Variants in INSC observed in about 807,000 individuals in gnomAD.
INSC encodes INSC spindle orientation adaptor protein, also known as protein inscuteable homolog.
A neutral mutation model predicts 58.6 loss-of-function variants in INSC; 67 were observed. That is an observed-to-expected ratio of 1.14 (90% CI 0.94 to 1.40). INSC has a LOEUF of 1.40. Among genes scored for constraint, INSC ranks in the 40% most tolerant of loss-of-function variants. INSC has a pLI of 0.00. For missense variants in INSC, 714 were observed against 692.0 expected, an observed-to-expected ratio of 1.03 and a Z score of -0.36; for synonymous variants, 262 against 276.1, an observed-to-expected ratio of 0.95 and a Z score of 0.51.
At chr11:15,121,726 T>C (rs1368943899) in intron 1 of INSC, among the ~76,000 whole-genome samples, 2 of 152,242 alleles carry the variant, frequency 1.3e-5, no homozygotes, top group Non-Finnish European at 2.9e-5. Context: ...GTTGGCATTC[T>C]ACTTTAAAAA....
At chr11:15,211,251 C>T (rs529264199) in intron 7 of INSC, among the ~76,000 whole-genome samples, 4 of 152,232 alleles carry the variant, frequency 2.6e-5, no homozygotes, top group African/African-American at 4.8e-5. Context: ...TTGAGTGTAC[C>T]GTCCTCTCTT....
At chr11:15,169,553 G>T (rs1008051941) in intron 2 of INSC, among the ~76,000 whole-genome samples, 3 of 148,148 alleles carry the variant, frequency 2.0e-5, no homozygotes, top group African/African-American at 7.5e-5. Flanking sequence ...TTGTTTGTTT[G>T]TTTTTTTAGA....
At chr11:15,113,119 C>CTCTTTCTTTCTTTCTTTCTT (rs746409775), upstream of INSC, among the ~76,000 whole-genome samples, 185 of 73,276 alleles carry the variant, frequency 2.5e-3, 7 homozygotes, top group Middle Eastern at 6.2e-3. Flanking sequence ...TTCTCTCTCT[C>CTCTTTCTTTCTTTCTTTCTT]TCTTTCTTTC....
At chr11:15,268,434 C>G in the INSC span, among the ~76,000 whole-genome samples, 2 of 152,054 alleles carry the variant, frequency 1.3e-5, no homozygotes, top group East Asian at 3.9e-4. Flanking sequence ...TCAGACTGTT[C>G]CATTTAAATA....
intron 11 of INSC, among the ~76,000 whole-genome samples, chr11:15,239,384 T>C (rs1226851121): frequency 6.6e-6 from 1 of 152,244 alleles, no homozygotes; most frequent in Non-Finnish European, 1.5e-5. Context: ...CAGTTATTCA[T>C]ATACTCATTT....
chr11:15,263,801 G>C, the INSC span, among the ~76,000 whole-genome samples: 1 of 152,076 alleles, frequency 6.6e-6, no homozygotes, highest in African/African-American at 2.4e-5. Context: ...TATGGTTGTT[G>C]GCATAATCCA....
intron 2 of INSC, among the ~76,000 whole-genome samples, chr11:15,153,094 A>G (rs566369355): frequency 3.3e-5 from 5 of 152,158 alleles, no homozygotes; most frequent in East Asian, 1.9e-4. Context: ...TCTGCCTTGT[A>G]TGGTGCCGTG....
At chr11:15,265,335 ATCT>A in the INSC span, among the ~76,000 whole-genome samples, 1 of 152,086 alleles carries the variant, frequency 6.6e-6, no homozygotes. Flanking sequence ...AAGTCATGCT[ATCT>A]TCTTAATAAA....
At chr11:15,202,286 A>T (rs1249998651) in intron 7 of INSC, among the ~76,000 whole-genome samples, 1 of 152,192 alleles carries the variant, frequency 6.6e-6, no homozygotes, top group African/African-American at 2.4e-5. Flanking sequence ...GCTACTCATT[A>T]GGTAGCGAGG....
intron 2 of INSC, among the ~76,000 whole-genome samples, chr11:15,150,019 A>G (rs1342200875): frequency 6.6e-6 from 1 of 152,254 alleles, no homozygotes; most frequent in East Asian, 1.9e-4. Flanking sequence ...ATGGCTGGCC[A>G]TAAAAGATGT....
At chr11:15,177,789 G>A (rs1185843574) in intron 4 of INSC, among the ~76,000 whole-genome samples, 1 of 152,138 alleles carries the variant, frequency 6.6e-6, no homozygotes, top group Non-Finnish European at 1.5e-5. Flanking sequence ...TTGCTTTCCT[G>A]GGTAGAACAC....
Position 15,165,100 on chromosome 11 carries a change from A to G in INSC, c.57-10641A>G, listed in dbSNP as rs775622427. ...TGGTGGTTTGTCCCCACTTGCTGGT[A>G]TTTCGAAGTTTGTGGGGATAACTTA... On this transcript the variant is annotated intron_variant, in intron 2 of 12. Transcript: ENST00000379556. 2.6e-5 allele frequency among the ~76,000 whole-genome samples: 4 copies of G among 152,232 alleles called. No homozygotes were observed. The South Asian group carries it at 8.3e-4, about 32-fold the overall frequency.
chr11:15,198,675 T>C (rs1850463050), intron 6 of INSC, among the ~76,000 whole-genome samples: 1 of 152,122 alleles, frequency 6.6e-6, no homozygotes. Flanking sequence ...TATCCATATA[T>C]ATGTATATAT....
At chr11:15,163,456 T>C (rs116842259) in intron 2 of INSC, among the ~76,000 whole-genome samples, 3,886 of 152,302 alleles carry the variant, frequency 0.026, 71 homozygotes, top group Non-Finnish European at 0.041. Context: ...GAAAGTTTTC[T>C]GATTTATAGT....
intron 1 of INSC, among the ~76,000 whole-genome samples, chr11:15,122,807 G>A (rs1449032453): frequency 6.6e-6 from 1 of 152,086 alleles, no homozygotes; most frequent in African/African-American, 2.4e-5. Context: ...TATCCACACT[G>A]GCTCCCCTCC....
chr11:15,203,996 A>G (rs1018402059), intron 7 of INSC, among the ~76,000 whole-genome samples: 17 of 152,230 alleles, frequency 1.1e-4, no homozygotes, highest in Admixed American at 8.5e-4. Context: ...GCAGAACTGA[A>G]TAGTTGCAAC....
chr11:15,230,007 A>G lies in INSC; in HGVS notation c.1170+4179A>G, dbSNP rs75501551. Among the ~76,000 whole-genome samples the G allele has an allele frequency of 7.6e-5, 2 of 26,392 alleles. 1 individual carries two copies. Among genetic ancestry groups the G allele is most frequent in the African/African-American group, 3.3e-4 (2 of 6,028 alleles). The allele number at this position is 26,392 out of a possible 152,430, so 17.3% of individuals were successfully genotyped here. A position where few individuals can be genotyped will look rare whatever the true frequency, so the allele number is the denominator to read the frequency against. ...TATATATATATATATATATATATAT[A>G]TATATAATATATATATATATATATA... On this transcript the variant is annotated intron_variant, in intron 9 of 12. Transcript: ENST00000379556.
chr11:15,266,923 C>T, the INSC span, among the ~76,000 whole-genome samples: 1 of 152,000 alleles, frequency 6.6e-6, no homozygotes, highest in Admixed American at 6.6e-5. Flanking sequence ...CTACATCAGT[C>T]TCTATTAATC....
intron 7 of INSC, among the ~76,000 whole-genome samples, chr11:15,209,033 A>G (rs914668180): frequency 6.6e-6 from 1 of 152,016 alleles, no homozygotes; most frequent in African/African-American, 2.4e-5. Flanking sequence ...TTTCATTCCA[A>G]CATGTATCTA....
Sources: gnomAD v4.1 joint callset for allele counts (sites outside exome capture counted in the v4.1 genomes callset) on GRCh38, gnomAD v4.1.1 for gene constraint, MANE v1.5 for transcripts, NCBI Gene and HGNC (gene_info 2026-07-23, HGNC 2026-07-21) for gene names.